The following VWA3B variants were observed in gnomAD, a reference collection of about 807,000 sequenced individuals.
VWA3B encodes the protein von Willebrand factor A domain containing 3B.
VWA3B carries 138 observed loss-of-function variants against 158.3 expected under a neutral mutation model. The observed-to-expected ratio is 0.87, with a 90% CI of 0.76 to 1.00. The LOEUF (loss-of-function observed/expected upper bound fraction) is 1.00. VWA3B is among the 50% of genes least tolerant of loss of function. The probability of loss-of-function intolerance (pLI) is 0.00; values close to 1 mark genes in which losing one functional copy is unlikely to be tolerated. For synonymous variants in VWA3B, 596 were observed against 587.3 expected (o/e 1.01, Z -0.21); for missense variants, 1,555 against 1,565.1 (o/e 0.99, Z 0.11).
intron 2 of VWA3B, among the ~76,000 whole-genome samples, chr2:98,113,153 A>G (rs1291662945): frequency 6.6e-6 from 1 of 151,400 alleles, no homozygotes; most frequent in African/African-American, 2.4e-5. Context: ...GGTTTTATTG[A>G]TTGCATTTTC....
At chr2:98,207,388 C>A in intron 12 of VWA3B, 1 of 483,252 alleles carries the variant, frequency 2.1e-6, no homozygotes, top group Non-Finnish European at 4.2e-6. Context: ...TGGCAATGAG[C>A]ATAATGATGT....
intron 5 of VWA3B, among the ~76,000 whole-genome samples, chr2:98,127,793 G>A (rs1675500983): frequency 6.6e-6 from 1 of 152,190 alleles, no homozygotes; most frequent in Admixed American, 6.5e-5. Flanking sequence ...AGCTGAGGAT[G>A]TGCCCTCCTT....
At position 98,092,448 on chromosome 2, in the gene VWA3B, G is replaced by T. The variant is rs189421853; in HGVS notation, c.-32-613G>T. Among the ~76,000 whole-genome samples, 18 of 152,244 alleles carry T rather than the reference G, an allele frequency of 1.2e-4. No individual in the cohort carries two copies. The East Asian group carries it at 3.1e-3, about 26-fold the overall frequency. On this transcript the variant is annotated intron_variant, in intron 1 of 27. Transcript: ENST00000477737. ...TCACGAGGTCAGCAGTTCGAGACCA[G>T]CCTGACCAACATGGTGAAACCCCAT...
chr2:98,193,031 A>C lies in VWA3B; in HGVS notation c.1600A>C (p.Ile534Leu), dbSNP rs1318032964. Residue 534 changes from isoleucine to leucine, a missense_variant, in exon 11 of 28, where the codon ATA (isoleucine) becomes CTA (leucine). Coordinates refer to ENST00000477737, the MANE Select transcript of VWA3B (RefSeq NM_144992.5). Reference sequence around the variant, plus strand: ...GGTGAAGGACAAGATCATTCAGTTCATACAGGTTAGATGGAACTGTCGGTT... The same window carrying C: ...GGTGAAGGACAAGATCATTCAGTTCCTACAGGTTAGATGGAACTGTCGGTT... ...DLVKDKIIQF[I>L]QEQLKYKSKF... 1.9e-6 allele frequency: 3 copies of C among 1,612,442 alleles called. No homozygotes were observed. Among genetic ancestry groups the C allele is most frequent in the Non-Finnish European group, 2.5e-6 (3 of 1,179,042 alleles).
At chr2:98,128,787 G>C (rs910674607) in intron 6 of VWA3B, among the ~76,000 whole-genome samples, 1 of 152,092 alleles carries the variant, frequency 6.6e-6, no homozygotes, top group African/African-American at 2.4e-5. Flanking sequence ...ATCACTCCAG[G>C]GCCACACACC....
intron 5 of VWA3B, among the ~76,000 whole-genome samples, chr2:98,123,934 T>G (rs888347064): frequency 2.6e-5 from 4 of 152,254 alleles, no homozygotes; most frequent in Admixed American, 6.5e-5. Flanking sequence ...AGAAGATACC[T>G]GCATTTCTGA....
chr2:98,180,389 G>A (rs6731982), intron 8 of VWA3B, among the ~76,000 whole-genome samples: 15,348 of 152,190 alleles, frequency 0.1, 1,887 homozygotes, highest in African/African-American at 0.3. Context: ...ATGCGGTTTC[G>A]CCATGTTGGC....
intron 22 of VWA3B, among the ~76,000 whole-genome samples, chr2:98,279,234 C>A (rs1175716868): frequency 1.3e-5 from 2 of 152,174 alleles, no homozygotes; most frequent in Non-Finnish European, 2.9e-5. Context: ...ACTCTATTTT[C>A]TAAGAAGTCT....
At chr2:98,219,860 CT>C (rs1253311736) in intron 14 of VWA3B, among the ~76,000 whole-genome samples, 1 of 152,082 alleles carries the variant, frequency 6.6e-6, no homozygotes, top group Non-Finnish European at 1.5e-5. Context: ...ATAAAATAGA[CT>C]TTTTAAGATA....
At chr2:98,132,239 C>T (rs1323361543) in intron 6 of VWA3B, among the ~76,000 whole-genome samples, 1 of 152,246 alleles carries the variant, frequency 6.6e-6, no homozygotes, top group Non-Finnish European at 1.5e-5. Flanking sequence ...TGCTCTGGGC[C>T]TTTGCAGGCA....
rs755833535 is a variant in VWA3B, at chr2:98,211,911, G to T, written c.1738-19G>T. The T allele has an allele frequency of 2.5e-6, 4 of 1,608,682 alleles. No individual in the cohort carries two copies. The highest frequency in any genetic ancestry group is 1.3e-5 in the African/African-American group (1 of 74,728). ...TTTTTGGGATTCAAGTGTGTCCTTG[G>T]TGTCTCTTTTTTCCGTAGATTGGAA... is the stretch of plus-strand genomic sequence containing the variant. On this transcript the variant is annotated intron_variant, in intron 12 of 27. Transcript: ENST00000477737.
At chr2:98,171,528 G>A (rs1679584443) in intron 8 of VWA3B, among the ~76,000 whole-genome samples, 4 of 152,168 alleles carry the variant, frequency 2.6e-5, no homozygotes. Context: ...TGGCTGGAGT[G>A]CAGTGTCCAG....
chr2:98,250,496 A>C, intron 20 of VWA3B, 60 bp downstream of exon 20: 1 of 1,278,512 alleles, frequency 7.8e-7, no homozygotes, highest in Non-Finnish European at 1.1e-6. Context: ...GGAGAAGGAG[A>C]CTTCTCTTGT....
chr2:98,230,606 T>G (rs1316665618), intron 16 of VWA3B, among the ~76,000 whole-genome samples: 1 of 152,146 alleles, frequency 6.6e-6, no homozygotes, highest in African/African-American at 2.4e-5. Context: ...ACAGTCAAGA[T>G]ACAGAAGAGT....
chr2:98,229,735 G>A (rs759141852), intron 15 of VWA3B, among the ~76,000 whole-genome samples: 4 of 152,176 alleles, frequency 2.6e-5, no homozygotes, highest in African/African-American at 7.2e-5. Context: ...TGCAGGTGAC[G>A]TTTCCTGCAG....
chr2:98,308,383 T>C (rs1690661503), intron 26 of VWA3B, among the ~76,000 whole-genome samples: 1 of 152,210 alleles, frequency 6.6e-6, no homozygotes, highest in Non-Finnish European at 1.5e-5. Context: ...TCTGCTACAT[T>C]CCATGGCATC....
intron 12 of VWA3B, among the ~76,000 whole-genome samples, chr2:98,203,627 A>G (rs1393932235): frequency 1.3e-5 from 2 of 152,250 alleles, no homozygotes; most frequent in African/African-American, 2.4e-5. Flanking sequence ...TAATTTCAGC[A>G]TGCAGCTCTT....
At chr2:98,301,306 A>G (rs921326751) in intron 25 of VWA3B, among the ~76,000 whole-genome samples, 1 of 151,732 alleles carries the variant, frequency 6.6e-6, no homozygotes, top group African/African-American at 2.4e-5. Context: ...ACAAAAAAAC[A>G]AAACAAAAAA....
intron 9 of VWA3B, among the ~76,000 whole-genome samples, chr2:98,186,153 C>T (rs1316931719): frequency 1.7e-5 from 2 of 116,978 alleles, no homozygotes; most frequent in Non-Finnish European, 3.3e-5. Context: ...TGGTCACTTC[C>T]TTGAATTTTT....
Sources: gnomAD v4.1 joint callset for allele counts (sites outside exome capture counted in the v4.1 genomes callset) on GRCh38, gnomAD v4.1.1 for gene constraint, MANE v1.5 for transcripts, NCBI Gene and HGNC (gene_info 2026-07-23, HGNC 2026-07-21) for gene names.